Variants in CARD8 observed in about 807,000 individuals in gnomAD.
CARD8 encodes the protein caspase recruitment domain family member 8.
CARD8 carries 38 observed loss-of-function variants against 53.2 expected under a neutral mutation model. The observed-to-expected ratio is 0.71, with a 90% CI of 0.55 to 0.94. CARD8 has a LOEUF of 0.94. Ranked by LOEUF, CARD8 falls within the 40% of genes least tolerant of loss-of-function variation. The pLI is 0.00. For synonymous variants in CARD8, 245 were observed against 244.9 expected, an observed-to-expected ratio of 1.00 and a Z score of 0.00; for missense variants, 561 against 655.5, an observed-to-expected ratio of 0.86 and a Z score of 1.57.
chr19:48,222,831 A>G (rs931878168), intron 10 of CARD8, among the ~76,000 whole-genome samples: 1 of 152,218 alleles, frequency 6.6e-6, no homozygotes, highest in Non-Finnish European at 1.5e-5. Flanking sequence ...TATGCTAAAA[A>G]CAATGACTGT....
downstream of CARD8, among the ~76,000 whole-genome samples, chr19:48,206,688 C>T (rs2037357715): frequency 6.8e-6 from 1 of 146,156 alleles, no homozygotes; most frequent in South Asian, 2.3e-4. Context: ...GGCTCTTGAG[C>T]TACTTGCTCA....
intron 12 of CARD8, among the ~76,000 whole-genome samples, chr19:48,218,605 C>T (rs911186158): frequency 3.3e-5 from 5 of 152,048 alleles, no homozygotes; most frequent in Admixed American, 1.3e-4. Context: ...CCTCCCCCCT[C>T]GGCCTCCCAA....
At chr19:48,240,427 G>A (rs1600585193) in intron 4 of CARD8, among the ~76,000 whole-genome samples, 1 of 152,084 alleles carries the variant, frequency 6.6e-6, no homozygotes, top group Admixed American at 6.6e-5. Context: ...AGGAAGGAGA[G>A]AGAAGGTCTA....
intron 6 of CARD8, 99 bp from the exon 7 acceptor site, chr19:48,232,592 C>T: frequency 1.0e-6 from 1 of 1,001,984 alleles, no homozygotes; most frequent in Non-Finnish European, 1.5e-6. Context: ...GCTGCACTGT[C>T]CCGTAGAGTA....
Position 48,248,485 on chromosome 19 carries a change from A to T in CARD8, c.-44+1038T>A, listed in dbSNP as rs2046464811. ...AGGATAAAACACAAATGTCCTGAAAAGATGTTAAAATTCACTAGTAATCAG... is the reference window on the plus strand; with the variant it reads ...AGGATAAAACACAAATGTCCTGAAATGATGTTAAAATTCACTAGTAATCAG... On this transcript the variant is annotated intron_variant, in intron 3 of 13. Coordinates refer to ENST00000651546, the MANE Select transcript of CARD8 (RefSeq NM_001184900.3). Among the ~76,000 whole-genome samples the T allele has an allele frequency of 4.6e-5, 7 of 152,256 alleles. No homozygotes were observed. The South Asian group carries it at 1.4e-3, about 31-fold the overall frequency.
intron 12 of CARD8, among the ~76,000 whole-genome samples, chr19:48,218,219 A>G (rs989798643): frequency 6.6e-6 from 1 of 151,278 alleles, no homozygotes; most frequent in African/African-American, 2.4e-5. Flanking sequence ...TTTTAATTTA[A>G]TTTAAGTTCT....
At chr19:48,206,304 A>G (rs2037343641), downstream of CARD8, 1 of 374,538 alleles carries the variant, frequency 2.7e-6, no homozygotes, top group Admixed American at 3.1e-5. Context: ...TTTCAATAGA[A>G]CAGTAGCAGC....
At chr19:48,221,008 A>AAAAAG (rs1555806508) in intron 11 of CARD8, among the ~76,000 whole-genome samples, 28 of 122,036 alleles carry the variant, frequency 2.3e-4, no homozygotes, top group African/African-American at 3.2e-4. Context: ...GAAAGAAAGA[A>AAAAAG]AAAGAAAGAA....
At position 48,243,302 on chromosome 19, in the gene CARD8, T is replaced by C. The variant is rs559008817; in HGVS notation, c.-43-2239A>G. Among the ~76,000 whole-genome samples the C allele has an allele frequency of 2.1e-4, 32 of 152,278 alleles. No homozygotes were observed. The East Asian group carries it at 5.8e-3, about 28-fold the overall frequency. On this transcript the variant is annotated intron_variant, in intron 3 of 13. Transcript: ENST00000651546. ...TGCTGGGATTACAGACGTGAGCCAT[T>C]GCCCCTGGCCCAGAGAAATAATCTA...
intron 1 of CARD8, among the ~76,000 whole-genome samples, chr19:48,251,159 A>C (rs533654155): frequency 7.2e-5 from 11 of 152,334 alleles, no homozygotes; most frequent in African/African-American, 2.6e-4. Context: ...TTGCTTAACC[A>C]ATGGATACTA....
intron 10 of CARD8, among the ~76,000 whole-genome samples, chr19:48,227,239 A>C (rs1055085151): frequency 6.6e-6 from 1 of 152,218 alleles, no homozygotes; most frequent in Non-Finnish European, 1.5e-5. Context: ...TTGAGTCAAT[A>C]TATACAATTA....
chr19:48,238,608 T>C, intron 4 of CARD8, 76 bp from the exon 5 acceptor site: 1 of 1,413,602 alleles, frequency 7.1e-7, no homozygotes, highest in Non-Finnish European at 9.6e-7. Context: ...CTCACTGTGA[T>C]GTAGCGAAAG....
intron 10 of CARD8, among the ~76,000 whole-genome samples, chr19:48,228,015 C>T (rs1009148829): frequency 5.3e-5 from 8 of 152,148 alleles, no homozygotes; most frequent in Admixed American, 2.6e-4. Flanking sequence ...CTCACATTAC[C>T]GCCTGAGCTC....
At chr19:48,232,731 G>A (rs916446285) in intron 6 of CARD8, 6 of 653,804 alleles carry the variant, frequency 9.2e-6, no homozygotes, top group East Asian at 3.0e-5. Flanking sequence ...ACACTGTGTA[G>A]CAGAGAATGG....
rs771578974 is a variant in CARD8, at chr19:48,230,950, A to G, written c.599T>C (p.Leu200Pro). 2.5e-5 allele frequency: 40 copies of G among 1,614,050 alleles called. 1 individual carries two copies. The highest frequency in any genetic ancestry group is 2.0e-4 in the East Asian group (9 of 44,888). Reference sequence around the variant, plus strand: ...CGTCACTGTGACCTCATCCCTTACCAGGAAGCCGAGGCCTGTGGCTGACCA... The same window carrying G: ...CGTCACTGTGACCTCATCCCTTACCGGGAAGCCGAGGCCTGTGGCTGACCA... The part of the protein sequence containing the change: ...YLWSATGLGF[L>P]VRDEVTVTIA... The change falls in exon 9 of 14, where the codon CTG becomes CCG. Residue 200 changes from leucine to proline, a missense_variant. Physicochemically the swap from Leu to Pro is moderately conservative, Grantham distance 98. Transcript: ENST00000651546.
At chr19:48,216,355 A>G (rs535873874) in intron 12 of CARD8, among the ~76,000 whole-genome samples, 1 of 152,330 alleles carries the variant, frequency 6.6e-6, no homozygotes, top group Non-Finnish European at 1.5e-5. Flanking sequence ...GCTTCTTCGC[A>G]TATTAAACAT....
At chr19:48,255,317 G>A (rs1415864080) in intron 1 of CARD8, among the ~76,000 whole-genome samples, 4 of 152,126 alleles carry the variant, frequency 2.6e-5, no homozygotes, top group Non-Finnish European at 4.4e-5. Context: ...AGTGAGCCAA[G>A]ATCATGCCAC....
At chr19:48,236,870 G>A (rs2043988803) in intron 5 of CARD8, among the ~76,000 whole-genome samples, 2 of 152,086 alleles carry the variant, frequency 1.3e-5, no homozygotes, top group African/African-American at 2.4e-5. Context: ...TGCCTCCCGA[G>A]TTCAAGCAAT....
downstream of CARD8, chr19:48,206,421 G>A (rs1222266782): frequency 2.2e-6 from 1 of 458,042 alleles, no homozygotes; most frequent in Admixed American, 2.3e-5. Context: ...GTCCCAATGA[G>A]TCTGGATAAC....
Sources: allele counts gnomAD v4.1 joint callset (sites outside exome capture counted in the v4.1 genomes callset), GRCh38; gene constraint gnomAD v4.1.1; transcripts MANE v1.5; gene names NCBI Gene and HGNC (gene_info 2026-07-23, HGNC 2026-07-21).